Variants in CCDC171 observed in about 807,000 individuals in gnomAD.
The protein encoded by CCDC171 is coiled-coil domain containing 171, also known as coiled-coil domain-containing protein 171.
In CCDC171, 177 loss-of-function variants were observed where a neutral mutation model predicts 168.2. The observed-to-expected ratio is 1.05, with a 90% CI of 0.93 to 1.19. The LOEUF is 1.19. CCDC171 is among the 50% of genes most tolerant of loss of function. The pLI, the probability that CCDC171 is intolerant of heterozygous loss-of-function variation, is 0.00. For synonymous variants in CCDC171, 687 were observed against 540.8 expected, an observed-to-expected ratio of 1.27 and a Z score of -3.75; for missense variants, 1,991 against 1,539.0, an observed-to-expected ratio of 1.29 and a Z score of -4.91.
At chr9:15,560,108 G>T (rs1185218975) in intron 1 of CCDC171, among the ~76,000 whole-genome samples, 3 of 152,150 alleles carry the variant, frequency 2.0e-5, no homozygotes, top group Non-Finnish European at 2.9e-5. Context: ...TCCGCTGTTA[G>T]TCTGATGGGC....
At chr9:15,680,892 A>G (rs1481363284) in intron 10 of CCDC171, among the ~76,000 whole-genome samples, 1 of 152,188 alleles carries the variant, frequency 6.6e-6, no homozygotes, top group Non-Finnish European at 1.5e-5. Context: ...TAAAAATGCA[A>G]GAGTTAAGAC....
chr9:15,970,966 C>T (rs1831305569), intron 25 of CCDC171, among the ~76,000 whole-genome samples: 1 of 151,948 alleles, frequency 6.6e-6, no homozygotes, highest in South Asian at 2.1e-4. Context: ...CAAGAATTAC[C>T]CATGTAACAA....
intron 7 of CCDC171, among the ~76,000 whole-genome samples, chr9:15,627,668 C>T (rs2045279381): frequency 6.6e-6 from 1 of 152,212 alleles, no homozygotes; most frequent in Non-Finnish European, 1.5e-5. Flanking sequence ...TTTGAATGCA[C>T]TGTGGTCTTA....
chr9:16,068,868 G>T, the CCDC171 span, among the ~76,000 whole-genome samples: 1 of 152,068 alleles, frequency 6.6e-6, no homozygotes, highest in Non-Finnish European at 1.5e-5. Flanking sequence ...CTCAGACAGG[G>T]TCTCAAAGTC....
chr9:16,047,282 G>C lies in CCDC171; in HGVS notation n.89+4396G>C, dbSNP rs562647091. ...GTGCCCTTAAATCTGTGCCCTCCCT[G>C]GTCTCTTTCCAGTTGATGGTCCATC... is the stretch of plus-strand genomic sequence containing the variant. On this transcript the variant is annotated intron_variant and non_coding_transcript_variant, in intron 1 of 1. Transcript: ENST00000478913. Among the ~76,000 whole-genome samples the C allele has an allele frequency of 1.8e-4, 27 of 152,182 alleles. 2 individuals are homozygous for C. The East Asian group carries it at 4.8e-3, about 27-fold the overall frequency.
At chr9:15,894,108 G>A (rs537036538) in intron 24 of CCDC171, among the ~76,000 whole-genome samples, 3 of 152,148 alleles carry the variant, frequency 2.0e-5, no homozygotes, top group Non-Finnish European at 2.9e-5. Context: ...AAAACAGAAC[G>A]AGGTCGTGTT....
chr9:15,742,677 C>T (rs572326860), intron 16 of CCDC171, among the ~76,000 whole-genome samples: 1 of 152,298 alleles, frequency 6.6e-6, no homozygotes, highest in South Asian at 2.1e-4. Flanking sequence ...ATATGGCTGC[C>T]AAAGTTTAAG....
At chr9:15,570,761 T>C (rs2040160188) in intron 2 of CCDC171, among the ~76,000 whole-genome samples, 1 of 152,206 alleles carries the variant, frequency 6.6e-6, no homozygotes, top group South Asian at 2.1e-4. Context: ...AGACAAGTAG[T>C]GTTAAAACTC....
intron 7 of CCDC171, among the ~76,000 whole-genome samples, chr9:15,640,766 T>G (rs938868999): frequency 6.6e-6 from 1 of 152,156 alleles, no homozygotes; most frequent in Non-Finnish European, 1.5e-5. Flanking sequence ...TATATGACTC[T>G]AGCGATTAAG....
At chr9:15,902,260 A>ATG (rs1342237874) in intron 24 of CCDC171, among the ~76,000 whole-genome samples, 8 of 143,250 alleles carry the variant, frequency 5.6e-5, no homozygotes, top group African/African-American at 2.1e-4. Flanking sequence ...ATATATATAT[A>ATG]TGTATATATA....
intron 6 of CCDC171, among the ~76,000 whole-genome samples, chr9:16,030,355 G>A (rs1833346110): frequency 1.3e-5 from 2 of 152,128 alleles, no homozygotes; most frequent in Admixed American, 6.5e-5. Context: ...TGGATGAATA[G>A]ATAAATGTAC....
intron 25 of CCDC171, among the ~76,000 whole-genome samples, chr9:15,961,022 A>C (rs1432160050): frequency 2.0e-5 from 3 of 150,412 alleles, no homozygotes; most frequent in Non-Finnish European, 4.4e-5. Flanking sequence ...TGCAAAAAAA[A>C]ATGGGTTTCA....
chr9:15,751,855 A>G (rs911095550), intron 18 of CCDC171, among the ~76,000 whole-genome samples: 4 of 152,202 alleles, frequency 2.6e-5, no homozygotes, highest in Middle Eastern at 6.3e-3. Flanking sequence ...ATGGGCAAAG[A>G]CTTCATGACT....
At chr9:15,711,573 A>G (rs967936402) in intron 11 of CCDC171, among the ~76,000 whole-genome samples, 1 of 152,218 alleles carries the variant, frequency 6.6e-6, no homozygotes, top group African/African-American at 2.4e-5. Flanking sequence ...TCAAGTGTGC[A>G]TTATAAGATA....
intron 9 of CCDC171, among the ~76,000 whole-genome samples, chr9:15,677,814 C>T (rs1199301406): frequency 8.1e-5 from 11 of 136,014 alleles, no homozygotes; most frequent in Non-Finnish European, 1.6e-4. Context: ...TATACACACA[C>T]ACACGCGCAC....
intron 4 of CCDC171, among the ~76,000 whole-genome samples, chr9:15,583,136 G>C (rs899190345): frequency 6.6e-6 from 1 of 152,096 alleles, no homozygotes; most frequent in Non-Finnish European, 1.5e-5. Flanking sequence ...TGTGGTATAG[G>C]CTGGGCGCGG....
rs2040238548 is a variant in CCDC171 at position 15,571,747 on chromosome 9, A to T, written c.165A>T (p.Lys55Asn). Reference sequence around the variant, plus strand: ...AAGAAAAGTTAGAAATAACAACCAAACACAATGCAGAGGTACGATTTATTT... The same window carrying T: ...AAGAAAAGTTAGAAATAACAACCAATCACAATGCAGAGGTACGATTTATTT... The part of the protein sequence containing the change: ...AKKEKLEITT[K>N]HNAELASYES... Residue 55 changes from lysine (K) to asparagine (N), a missense_variant, in exon 3 of 26, where the codon AAA becomes AAT. By Grantham distance (94) the Lys-to-Asn change is moderately conservative (BLOSUM62 0). Coordinates refer to ENST00000380701, the MANE Select transcript of CCDC171 (RefSeq NM_173550.4). 6.3e-7 allele frequency: 1 copy of T among 1,583,736 alleles called. No individual in the cohort carries two copies. Among genetic ancestry groups the T allele is most frequent in the South Asian group, 1.2e-5 (1 of 83,888 alleles).
At chr9:15,564,329 C>T (rs375740644) in intron 2 of CCDC171, among the ~76,000 whole-genome samples, 200 bp downstream of exon 2, 65 of 152,278 alleles carry the variant, frequency 4.3e-4, no homozygotes, top group African/African-American at 1.4e-3. Context: ...ATTTTGTGCT[C>T]CTCTGTTAAT....
chr9:15,635,297 G>A (rs747432100), intron 7 of CCDC171, among the ~76,000 whole-genome samples: 1 of 152,082 alleles, frequency 6.6e-6, no homozygotes, highest in Non-Finnish European at 1.5e-5. Context: ...CATTTTATGT[G>A]CTTATTAGCC....
Sources: allele counts gnomAD v4.1 joint callset (sites outside exome capture counted in the v4.1 genomes callset), GRCh38; gene constraint gnomAD v4.1.1; transcripts MANE v1.5; gene names NCBI Gene and HGNC (gene_info 2026-07-23, HGNC 2026-07-21).